The following TAFA1 variants were observed in gnomAD, a reference collection of about 807,000 sequenced individuals.
TAFA1 encodes the protein TAFA chemokine like family member 1, also known as chemokine-like protein TAFA-1.
In TAFA1, 4 loss-of-function variants were observed where a neutral mutation model predicts 18.5. That is an observed-to-expected ratio of 0.22 (90% confidence interval 0.11 to 0.49). The LOEUF (loss-of-function observed/expected upper bound fraction) is 0.49, where lower values mean the gene tolerates loss of function less well. Ranked by LOEUF, TAFA1 falls within the 20% of genes least tolerant of loss-of-function variation. TAFA1 has a pLI of 0.98. For missense variants in TAFA1, 147 were observed against 169.0 expected (o/e 0.87, Z 0.72); for synonymous variants, 56 against 55.2 (o/e 1.01, Z -0.06).
rs541568932 is a variant in TAFA1, at chr3:68,226,594, C to T, written c.119-190686C>T. On this transcript the variant is annotated intron_variant, in intron 2 of 4. Transcript: ENST00000478136. ...CCTAATCTGAATGGGGAGAGGCAGC[C>T]TCATCATTGCTTGCCCTCCTCTTCT... is the stretch of plus-strand genomic sequence containing the variant. Among the ~76,000 whole-genome samples, 6 of 152,064 alleles carry T rather than the reference C, an allele frequency of 3.9e-5. 1 individual carries two copies. In the South Asian group the frequency reaches 1.2e-3, roughly 32 times the overall value.
Position 68,071,289 on chromosome 3 carries a change from G to A in TAFA1, c.118+64545G>A, listed in dbSNP as rs555916412. Among the ~76,000 whole-genome samples, 176 of 152,312 alleles carry A rather than the reference G, an allele frequency of 1.2e-3. 1 individual carries two copies. The highest frequency in any genetic ancestry group is 4.1e-3 in the East Asian group (21 of 5,170). ...AAAGAGAGAGCTTGTGCAGGGAAAC[G>A]CCCCCTTACAGATGAGATCTCGTGA... is the stretch of plus-strand genomic sequence containing the variant. On this transcript the variant is annotated intron_variant, in intron 2 of 4. Transcript: ENST00000478136.
At chr3:68,097,562 C>A (rs901743492) in intron 2 of TAFA1, among the ~76,000 whole-genome samples, 2 of 151,918 alleles carry the variant, frequency 1.3e-5, no homozygotes, top group Non-Finnish European at 2.9e-5. Context: ...GAATCCATGT[C>A]GATTTAATGA....
chr3:68,368,456 C>A (rs911426869), intron 2 of TAFA1, among the ~76,000 whole-genome samples: 1 of 152,066 alleles, frequency 6.6e-6, no homozygotes, highest in Non-Finnish European at 1.5e-5. Context: ...GGCCTTGAAG[C>A]CCTTATATCT....
intron 2 of TAFA1, among the ~76,000 whole-genome samples, chr3:68,381,159 T>G (rs2069943179): frequency 7.0e-6 from 1 of 141,990 alleles, no homozygotes; most frequent in Admixed American, 7.2e-5. Context: ...ACCATGCTGT[T>G]TTGGTTACTG....
intron 2 of TAFA1, among the ~76,000 whole-genome samples, chr3:68,019,553 A>G (rs1704642496): frequency 1.3e-5 from 2 of 152,198 alleles, no homozygotes; most frequent in Admixed American, 1.3e-4. Flanking sequence ...TCATGTTGAG[A>G]CTTTATAAAT....
chr3:68,510,570 C>G (rs2668157), intron 3 of TAFA1, among the ~76,000 whole-genome samples: 30,748 of 152,110 alleles, frequency 0.2, 3,213 homozygotes, highest in Non-Finnish European at 0.23. Flanking sequence ...AGCTGTAAGT[C>G]TCGGCTGCCT....
chr3:68,370,997 A>G (rs1575812304), intron 2 of TAFA1, among the ~76,000 whole-genome samples: 1 of 152,196 alleles, frequency 6.6e-6, no homozygotes, highest in East Asian at 1.9e-4. Flanking sequence ...CTACCGTAAT[A>G]ATCTAGAAAT....
intron 2 of TAFA1, among the ~76,000 whole-genome samples, chr3:68,016,561 G>A (rs774731472): frequency 1.3e-5 from 2 of 152,082 alleles, no homozygotes; most frequent in East Asian, 3.9e-4. Flanking sequence ...TGTAGCTTAG[G>A]AGCAATAATC....
intron 2 of TAFA1, among the ~76,000 whole-genome samples, chr3:68,137,497 G>T (rs775689702): frequency 6.6e-6 from 1 of 152,174 alleles, no homozygotes; most frequent in East Asian, 1.9e-4. Context: ...CTGCATGATA[G>T]AAAGTTCTAG....
chr3:68,383,592 G>A (rs552265190), intron 2 of TAFA1, among the ~76,000 whole-genome samples: 1 of 152,102 alleles, frequency 6.6e-6, no homozygotes, highest in Non-Finnish European at 1.5e-5. Context: ...CTGGTGTTTT[G>A]TTAAGGATTT....
At chr3:68,348,678 T>G (rs2106769213) in intron 2 of TAFA1, among the ~76,000 whole-genome samples, 1 of 152,262 alleles carries the variant, frequency 6.6e-6, no homozygotes. Context: ...GGCTTCCAAC[T>G]TGCTACAGTT....
intron 2 of TAFA1, among the ~76,000 whole-genome samples, chr3:68,335,618 A>G (rs1014044800): frequency 1.3e-5 from 2 of 152,228 alleles, no homozygotes; most frequent in Non-Finnish European, 2.9e-5. Flanking sequence ...CCTATAAAAT[A>G]TAAGGCATGT....
intron 2 of TAFA1, among the ~76,000 whole-genome samples, chr3:68,406,264 A>G (rs1198334586): frequency 1.3e-5 from 2 of 152,160 alleles, no homozygotes; most frequent in African/African-American, 4.8e-5. Context: ...AATTGTTTCC[A>G]TGTCATTCTC....
chr3:68,011,122 T>G (rs1704462346), intron 2 of TAFA1, among the ~76,000 whole-genome samples: 1 of 96,330 alleles, frequency 1.0e-5, no homozygotes. Flanking sequence ...TTTGAATGTG[T>G]GTGTGTGGGG....
chr3:68,380,115 G>C (rs1241576502), intron 2 of TAFA1, among the ~76,000 whole-genome samples: 2 of 152,108 alleles, frequency 1.3e-5, no homozygotes, highest in African/African-American at 4.8e-5. Context: ...TTTTATGGCT[G>C]CATAGTATTC....
chr3:68,418,578 T>A (rs1319986945), intron 3 of TAFA1, among the ~76,000 whole-genome samples: 2 of 151,236 alleles, frequency 1.3e-5, no homozygotes, highest in Non-Finnish European at 2.9e-5. Context: ...CTTCAGGCCA[T>A]CTGGGTGTGT....
intron 3 of TAFA1, among the ~76,000 whole-genome samples, chr3:68,463,150 G>T (rs149699969): frequency 1.3e-5 from 2 of 152,248 alleles, no homozygotes; most frequent in South Asian, 2.1e-4. Flanking sequence ...GCACATGGAT[G>T]GTGGGGGCAT....
At chr3:68,240,013 C>G (rs773023779) in intron 2 of TAFA1, among the ~76,000 whole-genome samples, 2 of 152,178 alleles carry the variant, frequency 1.3e-5, no homozygotes, top group African/African-American at 4.8e-5. Flanking sequence ...TGGTTTTACA[C>G]ATAAGGCAAT....
At chr3:68,040,223 A>G (rs1400676602) in intron 2 of TAFA1, among the ~76,000 whole-genome samples, 1 of 152,122 alleles carries the variant, frequency 6.6e-6, no homozygotes, top group African/African-American at 2.4e-5. Context: ...GTTTCTTGAG[A>G]AAAACACTAT....
Sources: gnomAD v4.1 joint callset for allele counts (sites outside exome capture counted in the v4.1 genomes callset) on GRCh38, gnomAD v4.1.1 for gene constraint, MANE v1.5 for transcripts, NCBI Gene and HGNC (gene_info 2026-07-23, HGNC 2026-07-21) for gene names.